The following GSG1L variants were observed in gnomAD, a reference collection of about 807,000 sequenced individuals.
GSG1L encodes GSG1 like.
Under a neutral mutation model 42.1 loss-of-function variants are expected in GSG1L, and 24 were observed. The ratio of observed to expected loss-of-function variants is 0.57; its 90% confidence interval spans 0.41 to 0.80. GSG1L has a LOEUF of 0.80. Among genes scored for constraint, GSG1L ranks in the 30% least tolerant of loss-of-function variants. The probability of loss-of-function intolerance (pLI) is 0.00; values close to 1 mark genes in which losing one functional copy is unlikely to be tolerated. For missense variants in GSG1L, 445 were observed against 472.2 expected (o/e 0.94, Z 0.53); for synonymous variants, 215 against 203.5 (o/e 1.06, Z -0.48).
chr16:28,035,239 G>A (rs950992718), intron 1 of GSG1L, among the ~76,000 whole-genome samples: 7 of 152,116 alleles, frequency 4.6e-5, no homozygotes, highest in Non-Finnish European at 8.8e-5. Context: ...TGCTCAGGCT[G>A]GTCTCAAGCA....
chr16:28,002,688 T>C (rs2085590877), intron 1 of GSG1L, among the ~76,000 whole-genome samples: 1 of 151,646 alleles, frequency 6.6e-6, no homozygotes, highest in African/African-American at 2.4e-5. Flanking sequence ...CCCAGCATTT[T>C]GGGAGGCCGA....
chr16:27,871,328 T>G (rs1380684022), intron 3 of GSG1L, among the ~76,000 whole-genome samples: 1 of 152,120 alleles, frequency 6.6e-6, no homozygotes, highest in East Asian at 1.9e-4. Context: ...GTCCAGGGAA[T>G]TGGGCACAGA....
chr16:27,986,182 C>A (rs1253964897), intron 1 of GSG1L, among the ~76,000 whole-genome samples: 1 of 152,088 alleles, frequency 6.6e-6, no homozygotes, highest in Non-Finnish European at 1.5e-5. Context: ...GAGGCTACTC[C>A]TTTCTTTGCA....
intron 3 of GSG1L, among the ~76,000 whole-genome samples, chr16:27,859,445 A>G (rs1270923575): frequency 1.3e-5 from 2 of 152,166 alleles, no homozygotes; most frequent in African/African-American, 4.8e-5. Flanking sequence ...GAGTGCTAAG[A>G]GCTCCATCAG....
chr16:28,033,302 G>A (rs902077527), intron 1 of GSG1L, among the ~76,000 whole-genome samples: 1 of 152,164 alleles, frequency 6.6e-6, no homozygotes, highest in Non-Finnish European at 1.5e-5. Flanking sequence ...ATCTACAACC[G>A]CCAGAGTAGA....
At chr16:27,865,391 C>A (rs1251464787) in intron 3 of GSG1L, among the ~76,000 whole-genome samples, 2 of 151,560 alleles carry the variant, frequency 1.3e-5, no homozygotes, top group African/African-American at 4.8e-5. Context: ...CCATTCCCGG[C>A]TGGGAGCCCT....
At chr16:27,880,685 A>AAACTTT (rs2083941185) in intron 3 of GSG1L, among the ~76,000 whole-genome samples, 2 of 152,110 alleles carry the variant, frequency 1.3e-5, no homozygotes, top group African/African-American at 4.8e-5. Context: ...TTGGAGGTAG[A>AAACTTT]GGAGAGTCCC....
intron 2 of GSG1L, among the ~76,000 whole-genome samples, chr16:27,948,425 G>A (rs550732392): frequency 5.9e-5 from 9 of 152,242 alleles, no homozygotes; most frequent in African/African-American, 1.7e-4. Context: ...CCAGGCTGGA[G>A]TGCAGTGGCG....
At chr16:27,948,717 C>T (rs1223925271) in intron 2 of GSG1L, among the ~76,000 whole-genome samples, 6 of 150,610 alleles carry the variant, frequency 4.0e-5, no homozygotes, top group African/African-American at 9.8e-5. Context: ...TCACGCCATT[C>T]GCCTGTCTCA....
At chr16:28,007,601 C>G (rs573077122) in intron 1 of GSG1L, among the ~76,000 whole-genome samples, 1 of 152,226 alleles carries the variant, frequency 6.6e-6, no homozygotes, top group South Asian at 2.1e-4. Context: ...CCACCTCAAT[C>G]CCCCAGGCTC....
chr16:27,829,199 G>A (rs920227705), intron 4 of GSG1L, among the ~76,000 whole-genome samples: 3 of 152,218 alleles, frequency 2.0e-5, no homozygotes, highest in African/African-American at 7.2e-5. Context: ...CAAGAAGAGA[G>A]TGAATCATTC....
intron 1 of GSG1L, among the ~76,000 whole-genome samples, chr16:28,035,884 A>T (rs141895502): frequency 6.6e-6 from 1 of 152,192 alleles, no homozygotes; most frequent in Non-Finnish European, 1.5e-5. Flanking sequence ...TCCAGACCCC[A>T]GTCCCTCAGG....
intron 2 of GSG1L, among the ~76,000 whole-genome samples, chr16:27,943,570 T>TC (rs1248821277): frequency 2.8e-4 from 34 of 123,578 alleles, no homozygotes; most frequent in African/African-American, 8.5e-4. Flanking sequence ...TTGTTTCTTT[T>TC]TTTTTTTTTT....
At chr16:27,903,128 C>T (rs1380243044) in intron 2 of GSG1L, among the ~76,000 whole-genome samples, 3 of 152,018 alleles carry the variant, frequency 2.0e-5, no homozygotes, top group Non-Finnish European at 4.4e-5. Flanking sequence ...AAGGGGGAGT[C>T]CAGCAAGAAG....
chr16:27,932,834 C>T (rs892380558), intron 2 of GSG1L, among the ~76,000 whole-genome samples: 9 of 152,162 alleles, frequency 5.9e-5, no homozygotes, highest in South Asian at 2.1e-4. Flanking sequence ...GCATTTCCAC[C>T]GCTGCCATAA....
intron 6 of GSG1L, among the ~76,000 whole-genome samples, chr16:27,797,560 C>T (rs183590231): frequency 0.016 from 2,323 of 145,486 alleles, 75 homozygotes; most frequent in African/African-American, 0.057. Context: ...CGGTGGCTCA[C>T]GCCTGTAATC....
intron 2 of GSG1L, among the ~76,000 whole-genome samples, chr16:27,937,841 T>C (rs2084736153): frequency 6.6e-6 from 1 of 152,158 alleles, no homozygotes; most frequent in South Asian, 2.1e-4. Flanking sequence ...GAACATGAGA[T>C]GGGGACTCCC....
At chr16:28,021,150 T>C (rs1214692979) in intron 1 of GSG1L, among the ~76,000 whole-genome samples, 2 of 152,196 alleles carry the variant, frequency 1.3e-5, no homozygotes, top group Non-Finnish European at 2.9e-5. Flanking sequence ...CAGTTCATGG[T>C]TCTGCGGGCT....
At chr16:28,008,229 A>G (rs934723415) in intron 1 of GSG1L, among the ~76,000 whole-genome samples, 1 of 151,998 alleles carries the variant, frequency 6.6e-6, no homozygotes, top group Non-Finnish European at 1.5e-5. Flanking sequence ...ACAGGTGTGC[A>G]CCACCACACA....
Sources: gnomAD v4.1 joint callset for allele counts (sites outside exome capture counted in the v4.1 genomes callset) on GRCh38, gnomAD v4.1.1 for gene constraint, MANE v1.5 for transcripts, NCBI Gene and HGNC (gene_info 2026-07-23, HGNC 2026-07-21) for gene names.